The following PTPRD variants were observed in gnomAD, a reference collection of about 807,000 sequenced individuals.
PTPRD encodes the protein protein tyrosine phosphatase receptor type D.
Under a neutral mutation model 214.5 loss-of-function variants are expected in PTPRD, and 34 were observed. That is an observed-to-expected ratio of 0.16 (90% CI 0.12 to 0.21). The LOEUF is 0.21. Ranked by LOEUF, PTPRD falls within the 10% of genes least tolerant of loss-of-function variation. PTPRD has a pLI of 1.00. For missense variants in PTPRD, 2,545 were observed against 2,398.7 expected (o/e 1.06, Z -1.27); for synonymous variants, 1,128 against 845.7 (o/e 1.33, Z -5.79).
At chr9:9,503,352 G>A (rs145045869) in intron 8 of PTPRD, among the ~76,000 whole-genome samples, 1 of 151,180 alleles carries the variant, frequency 6.6e-6, no homozygotes, top group Non-Finnish European at 1.5e-5. Flanking sequence ...TGAGATGTGT[G>A]GGTTATGCTC....
intron 3 of PTPRD, among the ~76,000 whole-genome samples, chr9:10,262,213 A>G (rs2093743857): frequency 6.6e-6 from 1 of 151,910 alleles, no homozygotes; most frequent in Non-Finnish European, 1.5e-5. Context: ...GCTTTTCAAG[A>G]AATGGTGAAA....
At chr9:9,960,351 A>C (rs1339221368) in intron 4 of PTPRD, among the ~76,000 whole-genome samples, 1 of 152,146 alleles carries the variant, frequency 6.6e-6, no homozygotes, top group Non-Finnish European at 1.5e-5. Context: ...CACGTAGAAT[A>C]ATTCTAAATA....
intron 10 of PTPRD, among the ~76,000 whole-genome samples, chr9:9,035,032 CAT>C (rs1279507083): frequency 6.6e-6 from 1 of 151,988 alleles, no homozygotes; most frequent in Non-Finnish European, 1.5e-5. Context: ...TATTGTGGCT[CAT>C]AGAGTCTGGA....
chr9:8,721,954 A>G (rs549243657), intron 12 of PTPRD, among the ~76,000 whole-genome samples: 2 of 152,286 alleles, frequency 1.3e-5, no homozygotes, highest in South Asian at 4.1e-4. Context: ...GTGGTTCTCA[A>G]TTGGGTGATT....
intron 8 of PTPRD, among the ~76,000 whole-genome samples, chr9:9,541,233 C>T (rs145112603): frequency 2.6e-5 from 4 of 151,682 alleles, no homozygotes; most frequent in African/African-American, 9.7e-5. Flanking sequence ...TTGAAAAGCA[C>T]TTTTAAATTA....
intron 14 of PTPRD, among the ~76,000 whole-genome samples, chr9:8,557,799 CACACACACATATAT>C (rs1334910807): frequency 7.1e-6 from 1 of 140,168 alleles, no homozygotes; most frequent in African/African-American, 2.7e-5. Context: ...CACACACACA[CACACACACATATAT>C]ACACACACAC....
At chr9:10,421,418 A>G in intron 2 of PTPRD, among the ~76,000 whole-genome samples, 1 of 151,970 alleles carries the variant, frequency 6.6e-6, no homozygotes, top group Non-Finnish European at 1.5e-5. Flanking sequence ...CCATATCCAG[A>G]TAGAAGAGAT....
At chr9:10,461,832 G>A (rs975902096) in intron 2 of PTPRD, among the ~76,000 whole-genome samples, 1 of 152,006 alleles carries the variant, frequency 6.6e-6, no homozygotes, top group Non-Finnish European at 1.5e-5. Flanking sequence ...ATGTTGGCCA[G>A]GCTGGTCTCG....
intron 9 of PTPRD, among the ~76,000 whole-genome samples, chr9:9,250,627 A>G (rs187309067): frequency 6.6e-6 from 1 of 152,192 alleles, no homozygotes; most frequent in African/African-American, 2.4e-5. Flanking sequence ...AACTGATAAA[A>G]TGTTTTGCAT....
At chr9:8,845,182 A>AAAAC (rs59559648) in intron 11 of PTPRD, among the ~76,000 whole-genome samples, 73 of 124,330 alleles carry the variant, frequency 5.9e-4, no homozygotes, top group Middle Eastern at 4.3e-3. Flanking sequence ...AAAAACAAAA[A>AAAAC]CAAAAAAAAA....
chr9:9,304,896 G>A (rs146234589), intron 9 of PTPRD, among the ~76,000 whole-genome samples: 2 of 149,352 alleles, frequency 1.3e-5, no homozygotes, highest in Non-Finnish European at 1.5e-5. Context: ...TGAAAGGATA[G>A]GGGAGAATTT....
chr9:9,150,309 G>C (rs112619582), intron 10 of PTPRD, among the ~76,000 whole-genome samples: 3 of 151,832 alleles, frequency 2.0e-5, no homozygotes, highest in African/African-American at 7.2e-5. Flanking sequence ...TATTTACTAA[G>C]GATACGTGCT....
At chr9:9,842,467 G>C (rs2058570373) in intron 5 of PTPRD, among the ~76,000 whole-genome samples, 1 of 151,484 alleles carries the variant, frequency 6.6e-6, no homozygotes, top group South Asian at 2.1e-4. Context: ...TAATTCAAGT[G>C]GGCTTTAAGA....
chr9:8,373,008 C>A (rs561449635), intron 39 of PTPRD, among the ~76,000 whole-genome samples: 3 of 151,912 alleles, frequency 2.0e-5, no homozygotes, highest in Non-Finnish European at 4.4e-5. Flanking sequence ...AATCACAACA[C>A]AAAATACAGT....
chr9:9,425,532 C>G (rs762555886), intron 8 of PTPRD, among the ~76,000 whole-genome samples: 1 of 148,678 alleles, frequency 6.7e-6, no homozygotes, highest in Non-Finnish European at 1.5e-5. Context: ...GCAAAAATCA[C>G]AATTACTTTT....
In PTPRD at chr9:9,690,970, T is replaced by C. The variant is rs139375855; in HGVS notation, c.-287+43563A>G. 3.1e-3 allele frequency among the ~76,000 whole-genome samples: 476 copies of C among 152,090 alleles called. 3 individuals are homozygous for C. The highest frequency in any genetic ancestry group is 0.011 in the African/African-American group (456 of 41,542). The stretch of plus-strand genomic sequence containing the variant: ...GGTGTTTTATGGTTTCATATACATT[T>C]TAGGATATTTTTCTATATATTTAAA... On this transcript the variant is annotated intron_variant, in intron 7 of 45. Coordinates refer to ENST00000381196, the MANE Select transcript of PTPRD (RefSeq NM_002839.4).
intron 8 of PTPRD, among the ~76,000 whole-genome samples, chr9:9,534,562 C>T (rs1255179303): frequency 6.6e-6 from 1 of 152,046 alleles, no homozygotes; most frequent in Non-Finnish European, 1.5e-5. Flanking sequence ...GAAACAAGTG[C>T]TCCATTTTAA....
intron 10 of PTPRD, among the ~76,000 whole-genome samples, chr9:9,037,086 G>A (rs528416332): frequency 1.1e-4 from 16 of 152,186 alleles, no homozygotes; most frequent in South Asian, 2.1e-4. Flanking sequence ...TAAGAAACCC[G>A]TTAATAACAG....
intron 11 of PTPRD, among the ~76,000 whole-genome samples, chr9:8,834,350 TCA>T (rs2097366054): frequency 6.6e-6 from 1 of 152,140 alleles, no homozygotes; most frequent in African/African-American, 2.4e-5. Context: ...ATCTGATGAT[TCA>T]CATGATAGTG....
Sources: gnomAD v4.1 joint callset for allele counts (sites outside exome capture counted in the v4.1 genomes callset) on GRCh38, gnomAD v4.1.1 for gene constraint, MANE v1.5 for transcripts, NCBI Gene and HGNC (gene_info 2026-07-23, HGNC 2026-07-21) for gene names.